Variants in OCA2 observed in about 807,000 individuals in gnomAD.
OCA2 encodes P protein.
In OCA2, 77 loss-of-function variants were observed where a neutral mutation model predicts 100.2. The observed-to-expected ratio is 0.77, with a 90% CI of 0.64 to 0.93. OCA2 has a LOEUF of 0.93. OCA2 is among the 40% of genes least tolerant of loss of function. The pLI is 0.00. For missense variants in OCA2, 1,062 were observed against 1,089.1 expected, an observed-to-expected ratio of 0.98 and a Z score of 0.35; for synonymous variants, 432 against 439.2, an observed-to-expected ratio of 0.98 and a Z score of 0.21.
intron 18 of OCA2, among the ~76,000 whole-genome samples, chr15:27,933,410 T>C (rs1388876085): frequency 1.3e-5 from 2 of 152,192 alleles, no homozygotes; most frequent in East Asian, 3.8e-4. Context: ...TTAATGATTA[T>C]AGGGTTTCTT....
chr15:27,916,067 T>C (rs1227885599), intron 19 of OCA2, among the ~76,000 whole-genome samples: 2 of 152,174 alleles, frequency 1.3e-5, no homozygotes, highest in African/African-American at 2.4e-5. Flanking sequence ...TGGAAACCAT[T>C]GTCCTTAGCA....
intron 18 of OCA2, among the ~76,000 whole-genome samples, chr15:27,944,924 GGACA>G (rs1269412967): frequency 4.6e-5 from 7 of 152,160 alleles, no homozygotes; most frequent in Non-Finnish European, 7.3e-5. Context: ...GGAACCCGCT[GGACA>G]GTTACATGAG....
intron 1 of OCA2, among the ~76,000 whole-genome samples, chr15:28,098,402 C>G (rs1233871833): frequency 6.6e-6 from 1 of 152,230 alleles, no homozygotes; most frequent in Non-Finnish European, 1.5e-5. Flanking sequence ...GCCCGCCCCG[C>G]GAAGCTCAGG....
At chr15:27,776,028 T>C (rs2032191716) in intron 23 of OCA2, among the ~76,000 whole-genome samples, 1 of 152,262 alleles carries the variant, frequency 6.6e-6, no homozygotes, top group Non-Finnish European at 1.5e-5. Flanking sequence ...CTGGCCCACC[T>C]TCTTGGGCAC....
intron 23 of OCA2, among the ~76,000 whole-genome samples, chr15:27,803,875 G>T (rs1163176169): frequency 6.6e-6 from 1 of 152,134 alleles, no homozygotes; most frequent in Non-Finnish European, 1.5e-5. Flanking sequence ...CACTGCTGGT[G>T]GGAATGAAAA....
chr15:27,759,227 G>C (rs199965542), intron 23 of OCA2, among the ~76,000 whole-genome samples: 2 of 152,144 alleles, frequency 1.3e-5, no homozygotes, highest in East Asian at 3.9e-4. Flanking sequence ...CAGGAATAAA[G>C]GGAGACTCAA....
At chr15:28,049,522 T>G (rs560121104) in intron 2 of OCA2, among the ~76,000 whole-genome samples, 50 of 152,318 alleles carry the variant, frequency 3.3e-4, no homozygotes, top group African/African-American at 1.2e-3. Context: ...TACACCAATA[T>G]TCATTGCCAC....
In OCA2 at chr15:27,957,066, A is replaced by G. The variant is rs2040246421; in HGVS notation, c.1784+522T>C. The stretch of plus-strand genomic sequence containing the variant: ...GAACAAAGACTGCTTGGAACTCAGC[A>G]ACATGTCATAGCAAGGAGAAAAACC... On this transcript the variant is annotated intron_variant, in intron 16 of 23. Coordinates refer to ENST00000354638, the MANE Select transcript of OCA2 (RefSeq NM_000275.3). The surrounding 1 kb of genome is among the most constrained non-coding windows in gnomAD (Gnocchi z 4.3). Among the ~76,000 whole-genome samples, 1 of 152,218 alleles carries G rather than the reference A, an allele frequency of 6.6e-6. No homozygotes were observed. Among genetic ancestry groups the G allele is most frequent in the Non-Finnish European group, 1.5e-5 (1 of 68,040 alleles).
intron 21 of OCA2, among the ~76,000 whole-genome samples, chr15:27,869,308 A>G (rs905704512): frequency 3.3e-5 from 5 of 152,228 alleles, no homozygotes; most frequent in African/African-American, 9.6e-5. Context: ...ACCCACATTC[A>G]TGAGGGCAGA....
Position 27,958,150 on chromosome 15 carries a change from C to G in OCA2, c.1637-415G>C, listed in dbSNP as rs183975796. The stretch of plus-strand genomic sequence containing the variant: ...CACTAACATGGCACATGTATACCTA[C>G]GTAACAAACCTGCACGTTGTGCACA... On this transcript the variant is annotated intron_variant, in intron 15 of 23. Transcript: ENST00000354638. Among the ~76,000 whole-genome samples, 198 of 152,116 alleles carry G rather than the reference C, an allele frequency of 1.3e-3. 5 individuals are homozygous for G. The highest frequency in any genetic ancestry group is 2.4e-4 in the Non-Finnish European group (16 of 67,998).
At chr15:27,997,321 C>A (rs891964216) in intron 9 of OCA2, among the ~76,000 whole-genome samples, 47 of 152,258 alleles carry the variant, frequency 3.1e-4, no homozygotes, top group Non-Finnish European at 5.0e-4. Flanking sequence ...AAATGCTCAA[C>A]AAGTCTTTAA....
At chr15:27,903,125 C>G (rs2038024227) in intron 19 of OCA2, among the ~76,000 whole-genome samples, 1 of 152,220 alleles carries the variant, frequency 6.6e-6, no homozygotes, top group Non-Finnish European at 1.5e-5. Context: ...TCCTGCGCCC[C>G]CTCTCCCCTG....
At chr15:27,901,385 T>C (rs980193091) in intron 19 of OCA2, among the ~76,000 whole-genome samples, 3 of 152,284 alleles carry the variant, frequency 2.0e-5, no homozygotes, top group African/African-American at 7.2e-5. Flanking sequence ...CTGGCAGGAC[T>C]TGATGGGTGG....
chr15:27,764,641 G>A (rs2151005122), intron 23 of OCA2, among the ~76,000 whole-genome samples: 1 of 152,286 alleles, frequency 6.6e-6, no homozygotes, highest in South Asian at 2.1e-4. Flanking sequence ...GTAGAGTCCA[G>A]TGGAGCAGTT....
rs1347753337 is a variant in OCA2 at position 27,870,763 on chromosome 15, CAG to C, written c.2244+389_2244+390del. On this transcript the variant is annotated intron_variant, in intron 21 of 23. Transcript: ENST00000354638. ...AGGGAGGGAGGGAGGGAAGGAAAGA[CAG>C]AAAGGAAAGAAAGAAAGAAAGAAAA... Among the ~76,000 whole-genome samples, 6 of 131,680 alleles carry C rather than the reference CAG, an allele frequency of 4.6e-5. No individual in the cohort carries two copies. In the East Asian group the frequency reaches 1.1e-3, roughly 24 times the overall value. The allele number at this position is 131,680 out of a possible 152,430, so 86.4% of individuals were successfully genotyped here. A position where few individuals can be genotyped will look rare whatever the true frequency, so the allele number is the denominator to read the frequency against.
At chr15:27,875,619 C>T (rs2036758178) in intron 19 of OCA2, among the ~76,000 whole-genome samples, 1 of 152,096 alleles carries the variant, frequency 6.6e-6, no homozygotes, top group African/African-American at 2.4e-5. Context: ...CACTAAACAA[C>T]ACTGAGTCTT....
At position 28,022,501 on chromosome 15, in the gene OCA2, AGTAGT is replaced by A; in HGVS notation, c.641_645del (p.Asn214IlefsTer5). The A allele has an allele frequency of 1.9e-6, 3 of 1,611,210 alleles. No individual in the cohort carries two copies. The highest frequency in any genetic ancestry group is 2.5e-6 in the Non-Finnish European group (3 of 1,177,310). On this transcript the variant is annotated frameshift_variant and splice_region_variant, in exon 6 of 24. Coordinates refer to ENST00000354638, the MANE Select transcript of OCA2 (RefSeq NM_000275.3). LOFTEE classifies it high-confidence loss of function. ...CCATCTCAGAGTGGATTTTGGATAC[AGTAGT>A]TCTCCAGCGGTGATAAGGCCAACAG...
chr15:27,997,108 A>AAGG (rs1362276977), intron 9 of OCA2, among the ~76,000 whole-genome samples: 124 of 51,616 alleles, frequency 2.4e-3, no homozygotes, highest in Middle Eastern at 0.015. Context: ...GGAAGAAAGA[A>AAGG]AAGAAAGGAA....
rs180971456 is a variant in OCA2 at position 27,786,375 on chromosome 15, G to C, written c.2433-30903C>G. On this transcript the variant is annotated intron_variant, in intron 23 of 23. Coordinates refer to ENST00000354638, the MANE Select transcript of OCA2 (RefSeq NM_000275.3). ...GACTCTACAGCTCAACTTGAGACGAGTTATCATCTAAATACTGAGTCTTGC... is the reference window on the plus strand; with the variant it reads ...GACTCTACAGCTCAACTTGAGACGACTTATCATCTAAATACTGAGTCTTGC... 4.5e-4 allele frequency among the ~76,000 whole-genome samples: 68 copies of C among 152,282 alleles called. 1 individual carries two copies. Among genetic ancestry groups the C allele is most frequent in the African/African-American group, 1.4e-3 (60 of 41,576 alleles).
Sources: gnomAD v4.1 joint callset for allele counts (sites outside exome capture counted in the v4.1 genomes callset) on GRCh38, gnomAD v4.1.1 for gene constraint, Gnocchi (gnomAD v3.1) non-coding constraint, MANE v1.5 for transcripts, NCBI Gene and HGNC (gene_info 2026-07-23, HGNC 2026-07-21) for gene names.